The following LRRC56 variants were observed in gnomAD, a reference collection of about 807,000 sequenced individuals.
LRRC56 encodes the protein leucine-rich repeat-containing protein 56.
In LRRC56, 41 loss-of-function variants were observed where a neutral mutation model predicts 47.8. The observed-to-expected ratio is 0.86, with a 90% CI of 0.67 to 1.11. LRRC56 has a LOEUF of 1.11. LRRC56 is among the 50% of genes most tolerant of loss of function. The pLI is 0.00. For missense variants in LRRC56, 759 were observed against 704.2 expected, an observed-to-expected ratio of 1.08 and a Z score of -0.88; for synonymous variants, 387 against 311.2, an observed-to-expected ratio of 1.24 and a Z score of -2.56.
intron 6 of LRRC56, among the ~76,000 whole-genome samples, chr11:545,221 T>C (rs1242150266): frequency 6.6e-6 from 1 of 152,200 alleles, no homozygotes; most frequent in Non-Finnish European, 1.5e-5. Context: ...AAGGCAGTCA[T>C]GCCAGGTCGT....
chr11:524,679 A>G, the LRRC56 span, among the ~76,000 whole-genome samples: 33,364 of 151,792 alleles, frequency 0.22, 4,051 homozygotes, highest in African/African-American at 0.33. Flanking sequence ...GAGAAAGGAA[A>G]ATCTTTTCAA....
the LRRC56 span, among the ~76,000 whole-genome samples, chr11:530,075 C>T: frequency 6.6e-6 from 1 of 152,164 alleles, no homozygotes; most frequent in East Asian, 1.9e-4. Context: ...CCTGTTGAAG[C>T]CACCCAGGGA....
the LRRC56 span, among the ~76,000 whole-genome samples, chr11:527,115 C>A: frequency 1.3e-5 from 2 of 151,938 alleles, no homozygotes; most frequent in African/African-American, 4.8e-5. Context: ...TCCTGGCTAA[C>A]ACGGTGAAAC....
the LRRC56 span, among the ~76,000 whole-genome samples, chr11:527,350 C>G: frequency 6.6e-6 from 1 of 152,136 alleles, no homozygotes; most frequent in South Asian, 2.1e-4. Flanking sequence ...CCACGAGCAC[C>G]TTGCGCAGTG....
rs1851762560 is a variant in LRRC56, at chr11:540,872, G to A, written c.177+11G>A. The A allele has an allele frequency of 6.5e-7, 1 of 1,532,878 alleles. No homozygotes were observed. Among genetic ancestry groups the A allele is most frequent in the African/African-American group, 1.4e-5 (1 of 72,820 alleles). 95.0% of individuals were successfully genotyped at this position (1,532,878 alleles called of 1,614,324 possible). ...TCCCCTGCCCGGCTGGTGAGTGTGG[G>A]CGCTGGGGGCTGTGGCCACAGAGGC... On this transcript the variant is annotated intron_variant, in intron 4 of 13. Transcript: ENST00000270115.
upstream of LRRC56, chr11:532,904 T>C: frequency 1.2e-6 from 1 of 820,228 alleles, no homozygotes; most frequent in South Asian, 1.4e-5. Context: ...CACGGGAAGC[T>C]GGACTCTGGC....
At chr11:546,302 T>C (rs948339984) in intron 6 of LRRC56, among the ~76,000 whole-genome samples, 3 of 146,668 alleles carry the variant, frequency 2.0e-5, no homozygotes, top group African/African-American at 7.6e-5. Context: ...GGCACAGTGG[T>C]TCACGCCTGT....
chr11:536,882 G>A (rs1447824568), upstream of LRRC56: 3 of 152,258 alleles, frequency 2.0e-5, no homozygotes, highest in Non-Finnish European at 4.4e-5. Context: ...CGGTCCCGGG[G>A]GTCCCGCCTG....
At chr11:535,739 C>T (rs942902136), upstream of LRRC56, among the ~76,000 whole-genome samples, 3 of 152,204 alleles carry the variant, frequency 2.0e-5, no homozygotes, top group East Asian at 1.9e-4. Context: ...GCCAGTAGGG[C>T]CGCGGCCTCT....
the LRRC56 span, among the ~76,000 whole-genome samples, chr11:518,979 G>A: frequency 6.6e-6 from 1 of 151,616 alleles, no homozygotes; most frequent in African/African-American, 2.4e-5. Context: ...CCCAAGACGC[G>A]GCGCGCTTAC....
chr11:547,203 G>C (rs1852126957), intron 6 of LRRC56, among the ~76,000 whole-genome samples: 1 of 151,994 alleles, frequency 6.6e-6, no homozygotes, highest in African/African-American at 2.4e-5. Context: ...CTGCACTCCA[G>C]CCTGGGTGAC....
the LRRC56 span, among the ~76,000 whole-genome samples, chr11:507,486 G>A: frequency 6.6e-6 from 1 of 152,208 alleles, no homozygotes; most frequent in South Asian, 2.1e-4. Flanking sequence ...GGGTCTGGCG[G>A]GCGCGGGCGC....
upstream of LRRC56, among the ~76,000 whole-genome samples, chr11:535,898 G>A (rs1037618451): frequency 6.6e-6 from 1 of 152,146 alleles, no homozygotes; most frequent in East Asian, 1.9e-4. Flanking sequence ...CGACTCAGCG[G>A]TGCCGGTGCA....
the LRRC56 span, among the ~76,000 whole-genome samples, chr11:513,136 C>G: frequency 2.6e-5 from 4 of 152,228 alleles, no homozygotes; most frequent in African/African-American, 9.6e-5. Flanking sequence ...CCGCTTCAAG[C>G]TGTTTTGTTT....
the LRRC56 span, among the ~76,000 whole-genome samples, chr11:527,698 ATTTTTTTT>A: frequency 9.0e-6 from 1 of 111,554 alleles, no homozygotes; most frequent in Non-Finnish European, 1.8e-5. Context: ...CGCCCGGCTA[ATTTTTTTT>A]TTTTTTTTTT....
At chr11:551,056 G>A in intron 8 of LRRC56, 75 bp from the exon 9 acceptor site, 1 of 887,560 alleles carries the variant, frequency 1.1e-6, no homozygotes, top group Non-Finnish European at 1.6e-6. Context: ...GGGAAAGGGA[G>A]CCAGGGAAAG....
chr11:519,033 C>A, the LRRC56 span, among the ~76,000 whole-genome samples: 74 of 151,306 alleles, frequency 4.9e-4, no homozygotes, highest in Middle Eastern at 6.8e-3. Flanking sequence ...CTCCGAAAGC[C>A]GCGAGGGCAG....
chr11:553,454 G>T (rs1289547049), intron 13 of LRRC56, among the ~76,000 whole-genome samples: 1 of 152,084 alleles, frequency 6.6e-6, no homozygotes, highest in Non-Finnish European at 1.5e-5. Context: ...TCAACAGCTG[G>T]TTACCTAGTG....
At chr11:534,176 C>T (rs1269871280), upstream of LRRC56, 1 of 1,526,536 alleles carries the variant, frequency 6.6e-7, no homozygotes, top group South Asian at 1.1e-5. Flanking sequence ...TCGCCCGCAG[C>T]AGCTGCTGGC....
Sources: gnomAD v4.1 joint callset for allele counts (sites outside exome capture counted in the v4.1 genomes callset) on GRCh38, gnomAD v4.1.1 for gene constraint, MANE v1.5 for transcripts, NCBI Gene and HGNC (gene_info 2026-07-23, HGNC 2026-07-21) for gene names.